Variants in USPL1 observed in about 807,000 individuals in gnomAD.
The protein encoded by USPL1 is SUMO-specific isopeptidase USPL1.
USPL1 carries 27 observed loss-of-function variants against 51.5 expected under a neutral mutation model. The ratio of observed to expected loss-of-function variants is 0.52; its 90% confidence interval spans 0.39 to 0.72. The LOEUF (loss-of-function observed/expected upper bound fraction) is 0.72, where lower values mean the gene tolerates loss of function less well. USPL1 is among the 30% of genes least tolerant of loss of function. The probability of loss-of-function intolerance (pLI) is 0.00; values close to 1 mark genes in which losing one functional copy is unlikely to be tolerated. For synonymous variants in USPL1, 451 were observed against 459.6 expected, an observed-to-expected ratio of 0.98 and a Z score of 0.24; for missense variants, 1,226 against 1,268.0, an observed-to-expected ratio of 0.97 and a Z score of 0.50.
intron 4 of USPL1, among the ~76,000 whole-genome samples, chr13:30,635,886 A>G (rs995270430): frequency 3.2e-4 from 49 of 152,226 alleles, no homozygotes; most frequent in African/African-American, 1.1e-3. Context: ...TATGAATATT[A>G]AAGGTCTTGC....
chr13:30,646,796 C>T (rs1951023101), intron 6 of USPL1, 136 bp from the exon 7 acceptor site: 1 of 907,110 alleles, frequency 1.1e-6, no homozygotes, highest in Non-Finnish European at 1.6e-6. Flanking sequence ...TAGGGAGGAA[C>T]ATTGCCATAT....
chr13:30,642,288 CT>C (rs11324654), intron 5 of USPL1, among the ~76,000 whole-genome samples: 74,521 of 151,584 alleles, frequency 0.49, 20,280 homozygotes, highest in African/African-American at 0.73. Context: ...TACTCTAAGG[CT>C]TATCATAGTT....
chr13:30,655,067 T>C (rs1250156728), intron 8 of USPL1, among the ~76,000 whole-genome samples: 1 of 151,906 alleles, frequency 6.6e-6, no homozygotes, highest in Non-Finnish European at 1.5e-5. Context: ...TCCTCCTGAG[T>C]AGCCGGAATA....
chr13:30,657,523 C>G lies in USPL1; in HGVS notation c.1446C>G (p.His482Gln). 6.2e-7 allele frequency: 1 copy of G among 1,612,222 alleles called. No homozygotes were observed. The highest frequency in any genetic ancestry group is 8.5e-7 in the Non-Finnish European group (1 of 1,179,400). Residue 482 changes from histidine to glutamine, a missense_variant, in exon 9 of 9, where the codon CAC becomes CAG. His to Gln is a conservative substitution (Grantham distance 24). Transcript: ENST00000255304. The stretch of plus-strand genomic sequence containing the variant: ...TAAAAGGCCCATGTTCTGAAAGGCA[C>G]AAGAAATTTGAAGTTCCTGCTTCAG... ...DDLKGPCSERHKKFEVPASEI... is the reference protein window; with the variant it reads ...DDLKGPCSERQKKFEVPASEI...
At chr13:30,628,964 CAT>C (rs1328607008) in intron 3 of USPL1, among the ~76,000 whole-genome samples, 1 of 152,134 alleles carries the variant, frequency 6.6e-6, no homozygotes, top group South Asian at 2.1e-4. Context: ...AGTTTTCTGA[CAT>C]ATGATAGGAC....
rs1215713425 is a variant in USPL1 at position 30,636,485 on chromosome 13, G to A, written c.869-1259G>A. 3.3e-5 allele frequency among the ~76,000 whole-genome samples: 5 copies of A among 152,122 alleles called. No individual in the cohort carries two copies. In the East Asian group the frequency reaches 9.6e-4, roughly 29 times the overall value. ...GCTGTATGAATTATTTATAAGAGATGTGAGTGAAAAGATCTATTTGTAGCT... is the reference window on the plus strand; with the variant it reads ...GCTGTATGAATTATTTATAAGAGATATGAGTGAAAAGATCTATTTGTAGCT... On this transcript the variant is annotated intron_variant, in intron 4 of 8. Coordinates refer to ENST00000255304, the MANE Select transcript of USPL1 (RefSeq NM_005800.5).
chr13:30,630,731 A>T, intron 3 of USPL1, 104 bp from the exon 4 acceptor site: 1 of 1,243,628 alleles, frequency 8.0e-7, no homozygotes, highest in Non-Finnish European at 1.1e-6. Context: ...CCTGTCATCA[A>T]ATCAATGCTA....
At chr13:30,655,476 G>T (rs1460567450) in intron 8 of USPL1, among the ~76,000 whole-genome samples, 1 of 152,170 alleles carries the variant, frequency 6.6e-6, no homozygotes, top group Non-Finnish European at 1.5e-5. Flanking sequence ...GGAAGGCTTT[G>T]AAGTCTGGTG....
At chr13:30,656,332 A>G (rs1204746289) in intron 8 of USPL1, among the ~76,000 whole-genome samples, 1 of 152,086 alleles carries the variant, frequency 6.6e-6, no homozygotes, top group East Asian at 1.9e-4. Flanking sequence ...TCATCAACCC[A>G]AACAGAAACT....
At chr13:30,619,032 G>C (rs551358908) in intron 1 of USPL1, among the ~76,000 whole-genome samples, 1 of 152,290 alleles carries the variant, frequency 6.6e-6, no homozygotes, top group African/African-American at 2.4e-5. Context: ...TGCGAAGAGG[G>C]AAATAAAGAA....
At chr13:30,619,704 T>G (rs1950623814) in intron 1 of USPL1, among the ~76,000 whole-genome samples, 1 of 152,172 alleles carries the variant, frequency 6.6e-6, no homozygotes, top group South Asian at 2.1e-4. Context: ...CAAGTAAGTG[T>G]CTGGACCAAC....
intron 7 of USPL1, among the ~76,000 whole-genome samples, chr13:30,651,643 T>G (rs914138680): frequency 2.0e-5 from 3 of 152,208 alleles, no homozygotes; most frequent in African/African-American, 7.2e-5. Flanking sequence ...AAAGGTATTA[T>G]ATAAGGTCAA....
chr13:30,653,032 T>G, intron 7 of USPL1, 116 bp from the exon 8 acceptor site: 1 of 1,061,020 alleles, frequency 9.4e-7, no homozygotes, highest in Non-Finnish European at 1.3e-6. Context: ...TCAAGAAAAA[T>G]TAGTGCAGTT....
At chr13:30,626,876 A>G (rs1263998407) in intron 3 of USPL1, among the ~76,000 whole-genome samples, 2 of 151,988 alleles carry the variant, frequency 1.3e-5, no homozygotes, top group African/African-American at 2.4e-5. Flanking sequence ...CATGAAATTT[A>G]TAATAAAAAT....
At chr13:30,656,758 A>G (rs543062424) in intron 8 of USPL1, among the ~76,000 whole-genome samples, 5 of 152,282 alleles carry the variant, frequency 3.3e-5, no homozygotes, top group Non-Finnish European at 7.4e-5. Flanking sequence ...TTTCCACAGC[A>G]GTTGTACTAT....
At chr13:30,630,335 A>C (rs2137632332) in intron 3 of USPL1, among the ~76,000 whole-genome samples, 1 of 152,294 alleles carries the variant, frequency 6.6e-6, no homozygotes, top group South Asian at 2.1e-4. Flanking sequence ...AAATTCAGCC[A>C]CTTGGACTCT....
chr13:30,653,902 A>G (rs920053377), intron 8 of USPL1, among the ~76,000 whole-genome samples: 1 of 152,202 alleles, frequency 6.6e-6, no homozygotes, highest in African/African-American at 2.4e-5. Flanking sequence ...GTATCAAGCC[A>G]TTGATAAGGG....
At position 30,657,898 on chromosome 13, in the gene USPL1, G is replaced by A; in HGVS notation, c.1821G>A (p.Leu607=). 1 of 1,613,964 alleles carries A rather than the reference G, an allele frequency of 6.2e-7. No individual in the cohort carries two copies. The highest frequency in any genetic ancestry group is 1.1e-5 in the South Asian group (1 of 91,068). The change falls in exon 9 of 9, where the codon CTG becomes CTA. Residue 607 remains leucine, a synonymous_variant. Transcript: ENST00000255304. The stretch of plus-strand genomic sequence containing the variant: ...CACAGTTAAATTCTGAAGCTTTCCT[G>A]TTAGAAAATAAACCTGTAGCAGAAA... The part of the protein sequence containing the change: ...SVSQLNSEAF[L]LENKPVAENT...
intron 4 of USPL1, among the ~76,000 whole-genome samples, chr13:30,633,844 T>C (rs895110462): frequency 6.6e-6 from 1 of 151,736 alleles, no homozygotes. Context: ...TGCTGTCAGT[T>C]GGAACATTTG....
Sources: gnomAD v4.1 joint callset for allele counts (sites outside exome capture counted in the v4.1 genomes callset) on GRCh38, gnomAD v4.1.1 for gene constraint, MANE v1.5 for transcripts, NCBI Gene and HGNC (gene_info 2026-07-23, HGNC 2026-07-21) for gene names.